PRKCH: variants seen among roughly 807,000 people sequenced by gnomAD.
The protein encoded by PRKCH is protein kinase C eta type.
Under a neutral mutation model 82.5 loss-of-function variants are expected in PRKCH, and 28 were observed. The ratio of observed to expected loss-of-function variants is 0.34; its 90% confidence interval spans 0.25 to 0.47. The LOEUF (loss-of-function observed/expected upper bound fraction) is 0.47, where lower values mean the gene tolerates loss of function less well. Ranked by LOEUF, PRKCH falls within the 20% of genes least tolerant of loss-of-function variation. PRKCH has a pLI of 1.00. For synonymous variants in PRKCH, 322 were observed against 327.4 expected (o/e 0.98, Z 0.18); for missense variants, 705 against 881.8 (o/e 0.80, Z 2.54).
chr14:61,452,188 G>T (rs941521728), intron 6 of PRKCH, among the ~76,000 whole-genome samples: 3 of 152,140 alleles, frequency 2.0e-5, no homozygotes, highest in African/African-American at 7.2e-5. Flanking sequence ...GTTTTGAAAG[G>T]CTTCTGTAGG....
At chr14:61,337,957 G>A (rs892825741) in intron 1 of PRKCH, among the ~76,000 whole-genome samples, 2 of 152,198 alleles carry the variant, frequency 1.3e-5, no homozygotes, top group African/African-American at 2.4e-5. Flanking sequence ...TAGCTCTTTG[G>A]TTGTGCCAAG....
intron 5 of PRKCH, among the ~76,000 whole-genome samples, chr14:61,450,107 C>G (rs1884432341): frequency 6.6e-6 from 1 of 152,120 alleles, no homozygotes; most frequent in Non-Finnish European, 1.5e-5. Flanking sequence ...TATAGGATTG[C>G]TAAAGAGTAT....
chr14:61,489,497 A>C (rs1022781269), intron 10 of PRKCH, among the ~76,000 whole-genome samples: 13 of 152,170 alleles, frequency 8.5e-5, no homozygotes, highest in African/African-American at 3.1e-4. Flanking sequence ...CCTGATTCTC[A>C]GATGTATTCA....
At chr14:61,381,196 C>T (rs2046504961) in intron 1 of PRKCH, among the ~76,000 whole-genome samples, 1 of 152,156 alleles carries the variant, frequency 6.6e-6, no homozygotes, top group Non-Finnish European at 1.5e-5. Flanking sequence ...GGCAGGTAGG[C>T]AATGTCAGAG....
intron 7 of PRKCH, among the ~76,000 whole-genome samples, chr14:61,454,497 G>T (rs1594724007): frequency 6.6e-6 from 1 of 152,220 alleles, no homozygotes; most frequent in African/African-American, 2.4e-5. Context: ...TGGGGACCAG[G>T]CAGGACAGGT....
chr14:61,240,584 A>C (rs1422665667), intron 1 of PRKCH, among the ~76,000 whole-genome samples: 2 of 152,008 alleles, frequency 1.3e-5, no homozygotes, highest in Non-Finnish European at 2.9e-5. Flanking sequence ...CTGGTTTTTC[A>C]AGCCTCTTTC....
chr14:61,364,449 A>G (rs574471474), intron 1 of PRKCH, among the ~76,000 whole-genome samples: 1 of 152,142 alleles, frequency 6.6e-6, no homozygotes, highest in East Asian at 1.9e-4. Context: ...GGCAGCAGAT[A>G]CTGAGACTGG....
chr14:61,360,160 GA>G (rs2046204075), intron 1 of PRKCH, among the ~76,000 whole-genome samples: 2 of 152,192 alleles, frequency 1.3e-5, no homozygotes, highest in South Asian at 4.1e-4. Flanking sequence ...GGGAAGAGAG[GA>G]ATATGTCGTG....
intron 2 of PRKCH, among the ~76,000 whole-genome samples, chr14:61,431,383 G>T (rs777651283): frequency 6.6e-6 from 1 of 152,158 alleles, no homozygotes; most frequent in Non-Finnish European, 1.5e-5. Context: ...CTCTCAAATT[G>T]CCCACTTGGC....
At chr14:61,259,190 T>C (rs2045023960) in intron 1 of PRKCH, among the ~76,000 whole-genome samples, 2 of 152,198 alleles carry the variant, frequency 1.3e-5, no homozygotes, top group South Asian at 2.1e-4. Context: ...TAATTTTTAT[T>C]GTAACAAATG....
intron 2 of PRKCH, among the ~76,000 whole-genome samples, chr14:61,419,594 T>C (rs1882727769): frequency 6.6e-6 from 1 of 152,252 alleles, no homozygotes; most frequent in African/African-American, 2.4e-5. Flanking sequence ...GAAAACAGAC[T>C]TTTAATTAAG....
chr14:61,190,914 A>G (rs1386761515), intron 1 of PRKCH, among the ~76,000 whole-genome samples: 1 of 152,148 alleles, frequency 6.6e-6, no homozygotes, highest in Non-Finnish European at 1.5e-5. Context: ...TTATTCATCT[A>G]TTGATCAAAT....
chr14:61,352,441 T>A (rs992524521), intron 1 of PRKCH, among the ~76,000 whole-genome samples: 2 of 152,052 alleles, frequency 1.3e-5, no homozygotes, highest in South Asian at 2.1e-4. Flanking sequence ...GGCAGATGGA[T>A]CATTTGAGGG....
At chr14:61,479,573 G>T (rs1283202559) in intron 9 of PRKCH, among the ~76,000 whole-genome samples, 1 of 152,184 alleles carries the variant, frequency 6.6e-6, no homozygotes, top group Non-Finnish European at 1.5e-5. Flanking sequence ...TCCTGGCATA[G>T]CACTTTCATC....
chr14:61,502,055 C>CTTTTTTTT (rs1566916525), intron 10 of PRKCH, among the ~76,000 whole-genome samples: 2 of 84,294 alleles, frequency 2.4e-5, no homozygotes, highest in African/African-American at 5.4e-5. Context: ...CTTTTCTTTT[C>CTTTTTTTT]TTTTCTTTTC....
chr14:61,434,174 A>T (rs1883561755), intron 2 of PRKCH, among the ~76,000 whole-genome samples: 1 of 152,230 alleles, frequency 6.6e-6, no homozygotes, highest in South Asian at 2.1e-4. Context: ...AAATCTCCAG[A>T]TAACTGGAAA....
intron 10 of PRKCH, among the ~76,000 whole-genome samples, chr14:61,505,320 C>CT (rs1887088143): frequency 6.6e-6 from 1 of 150,784 alleles, no homozygotes; most frequent in Non-Finnish European, 1.5e-5. Flanking sequence ...GGATAGCTGC[C>CT]TTCTCACTGA....
chr14:61,543,428 C>T (rs974002127), intron 12 of PRKCH: 4 of 152,322 alleles, frequency 2.6e-5, no homozygotes, highest in African/African-American at 7.2e-5. Context: ...CTTCTCTTTC[C>T]CCTGCTCTCC....
intron 7 of PRKCH, among the ~76,000 whole-genome samples, chr14:61,454,905 G>C (rs1237129831): frequency 6.6e-6 from 1 of 152,128 alleles, no homozygotes; most frequent in Non-Finnish European, 1.5e-5. Flanking sequence ...ATTAATCTCT[G>C]GGTGCTGAGG....
Sources: gnomAD v4.1 joint callset for allele counts (sites outside exome capture counted in the v4.1 genomes callset) on GRCh38, gnomAD v4.1.1 for gene constraint, MANE v1.5 for transcripts, NCBI Gene and HGNC (gene_info 2026-07-23, HGNC 2026-07-21) for gene names.